TNFSF11: variants seen among roughly 807,000 people sequenced by gnomAD.
TNFSF11 encodes TNF superfamily member 11.
In TNFSF11, 12 loss-of-function variants were observed where a neutral mutation model predicts 32.2. The observed-to-expected ratio is 0.37, with a 90% CI of 0.24 to 0.60. The LOEUF (loss-of-function observed/expected upper bound fraction) is 0.60, where lower values mean the gene tolerates loss of function less well. Ranked by LOEUF, TNFSF11 falls within the 20% of genes least tolerant of loss-of-function variation. TNFSF11 has a pLI of 0.66. For missense variants in TNFSF11, 345 were observed against 398.0 expected, an observed-to-expected ratio of 0.87 and a Z score of 1.13; for synonymous variants, 172 against 152.1, an observed-to-expected ratio of 1.13 and a Z score of -0.96.
At chr13:42,605,559 T>C (rs1043545931) in intron 4 of TNFSF11, among the ~76,000 whole-genome samples, 2 of 152,128 alleles carry the variant, frequency 1.3e-5, no homozygotes, top group Non-Finnish European at 2.9e-5. Flanking sequence ...ATGAAAAGGA[T>C]TGGACACACT....
At position 42,574,336 on chromosome 13, in the gene TNFSF11, C is replaced by T. The variant is rs1873192869; in HGVS notation, c.33C>T (p.Tyr11=). Residue 11 remains tyrosine, a synonymous_variant, in exon 1 of 5, where the codon TAC becomes TAT. Coordinates refer to ENST00000398795, the MANE Select transcript of TNFSF11 (RefSeq NM_003701.4). MRRASRDYTK[Y]LRGSEEMGGG... The stretch of plus-strand genomic sequence containing the variant: ...GCGCCAGCAGAGACTACACCAAGTA[C>T]CTGCGTGGCTCGGAGGAGATGGGCG... 1.3e-6 allele frequency: 2 copies of T among 1,546,412 alleles called. No individual in the cohort carries two copies. The highest frequency in any genetic ancestry group is 1.7e-6 in the Non-Finnish European group (2 of 1,146,250).
chr13:42,571,805 G>A (rs749716469), upstream of TNFSF11: 25 of 152,222 alleles, frequency 1.6e-4, no homozygotes, highest in Non-Finnish European at 3.4e-4. Context: ...GAATTCTTCA[G>A]GGGGCAAGTG....
intron 2 of TNFSF11, among the ~76,000 whole-genome samples, chr13:42,598,335 C>G (rs1054532909): frequency 1.3e-5 from 2 of 152,192 alleles, no homozygotes; most frequent in Admixed American, 1.3e-4. Flanking sequence ...CAAGGTTCCT[C>G]TTCCAATCTT....
chr13:42,574,369 C>T lies in TNFSF11; in HGVS notation c.66C>T (p.Pro22=), dbSNP rs1399130232. The stretch of plus-strand genomic sequence containing the variant: ...GCTCGGAGGAGATGGGCGGCGGCCC[C>T]GGAGCCCCGCACGAGGGCCCCCTGC... The part of the protein sequence containing the change: ...LRGSEEMGGG[P]GAPHEGPLHA... The change falls in exon 1 of 5, where the codon CCC becomes CCT. Residue 22 remains proline (P), a synonymous_variant. Transcript: ENST00000398795. 6.5e-7 allele frequency: 1 copy of T among 1,542,258 alleles called. No individual in the cohort carries two copies. The highest frequency in any genetic ancestry group is 1.2e-5 in the South Asian group (1 of 83,628).
At chr13:42,590,026 C>T (rs1020033004) in intron 2 of TNFSF11, among the ~76,000 whole-genome samples, 1 of 152,248 alleles carries the variant, frequency 6.6e-6, no homozygotes, top group African/African-American at 2.4e-5. Flanking sequence ...TGGGCCCACA[C>T]GGGGCTTCTT....
At chr13:42,579,598 G>T (rs1873493438) in intron 1 of TNFSF11, among the ~76,000 whole-genome samples, 1 of 151,662 alleles carries the variant, frequency 6.6e-6, no homozygotes, top group African/African-American at 2.4e-5. Flanking sequence ...CGTCAGTTCA[G>T]GCCTTTGCAT....
At chr13:42,568,984 T>C (rs576757327) in intron 2 of TNFSF11, among the ~76,000 whole-genome samples, 2 of 152,170 alleles carry the variant, frequency 1.3e-5, no homozygotes, top group South Asian at 2.1e-4. Flanking sequence ...AGACTTTAAT[T>C]TGAAGAGTTG....
At chr13:42,585,066 A>G (rs1873818227) in intron 2 of TNFSF11, among the ~76,000 whole-genome samples, 1 of 152,230 alleles carries the variant, frequency 6.6e-6, no homozygotes, top group Non-Finnish European at 1.5e-5. Flanking sequence ...CCCTATGCCC[A>G]AGGATTTACC....
At chr13:42,577,687 T>C (rs1256411404) in intron 1 of TNFSF11, among the ~76,000 whole-genome samples, 1 of 152,166 alleles carries the variant, frequency 6.6e-6, no homozygotes, top group Non-Finnish European at 1.5e-5. Context: ...CAAACCAACC[T>C]CCCTGGTTGT....
At chr13:42,564,010 C>T (rs1468141161) in intron 1 of TNFSF11, among the ~76,000 whole-genome samples, 1 of 152,042 alleles carries the variant, frequency 6.6e-6, no homozygotes, top group Non-Finnish European at 1.5e-5. Context: ...ATGTTCTCTT[C>T]TGTTTAATTT....
intron 1 of TNFSF11, among the ~76,000 whole-genome samples, chr13:42,565,738 G>A (rs1168122377): frequency 6.6e-6 from 1 of 152,166 alleles, no homozygotes; most frequent in African/African-American, 2.4e-5. Context: ...AGTGTTGGTA[G>A]GCTGCTGAGT....
chr13:42,568,486 A>G (rs1313503315), intron 2 of TNFSF11, among the ~76,000 whole-genome samples: 1 of 152,274 alleles, frequency 6.6e-6, no homozygotes, highest in Non-Finnish European at 1.5e-5. Context: ...GTCCATTGAC[A>G]CAGTGAATGT....
At chr13:42,603,849 G>A (rs1869307445) in intron 4 of TNFSF11, among the ~76,000 whole-genome samples, 1 of 152,150 alleles carries the variant, frequency 6.6e-6, no homozygotes, top group African/African-American at 2.4e-5. Context: ...CTTAATTACG[G>A]GCAGACTGCC....
At chr13:42,598,965 G>A (rs1868975168) in intron 2 of TNFSF11, among the ~76,000 whole-genome samples, 2 of 152,146 alleles carry the variant, frequency 1.3e-5, no homozygotes, top group African/African-American at 4.8e-5. Flanking sequence ...GGAAGAAAAC[G>A]AGGCCTGGGA....
intron 2 of TNFSF11, among the ~76,000 whole-genome samples, chr13:42,599,349 C>CTATCATCCATCTATCTATCTATCTATCT (rs11385072): frequency 8.9e-6 from 1 of 112,246 alleles, no homozygotes; most frequent in South Asian, 3.6e-4. Flanking sequence ...ATCTATCTAT[C>CTATCATCCATCTATCTATCTATCTATCT]ATCTATCTAT....
At chr13:42,576,160 G>A (rs1239923045) in intron 1 of TNFSF11, among the ~76,000 whole-genome samples, 2 of 152,228 alleles carry the variant, frequency 1.3e-5, no homozygotes, top group South Asian at 2.1e-4. Context: ...ACACCTTCGG[G>A]ATATGGCATT....
intron 1 of TNFSF11, among the ~76,000 whole-genome samples, chr13:42,575,973 C>T (rs1873294963): frequency 6.6e-6 from 1 of 152,216 alleles, no homozygotes; most frequent in African/African-American, 2.4e-5. Flanking sequence ...GGCACCGTCA[C>T]CTGCGATGGA....
At chr13:42,588,042 G>A (rs987895595) in intron 2 of TNFSF11, among the ~76,000 whole-genome samples, 5 of 152,320 alleles carry the variant, frequency 3.3e-5, no homozygotes, top group Non-Finnish European at 7.4e-5. Flanking sequence ...AGGGTACTTG[G>A]TTTTTGGAGC....
intron 1 of TNFSF11, 49 bp from the exon 2 acceptor site, chr13:42,581,077 G>A: frequency 6.3e-7 from 1 of 1,595,702 alleles, no homozygotes; most frequent in South Asian, 1.1e-5. Context: ...TAAATAGCAG[G>A]ATGACTAGTG....
Sources: allele counts gnomAD v4.1 joint callset (sites outside exome capture counted in the v4.1 genomes callset), GRCh38; gene constraint gnomAD v4.1.1; transcripts MANE v1.5; gene names NCBI Gene and HGNC (gene_info 2026-07-23, HGNC 2026-07-21).